The following UBE2N variants were observed in gnomAD, a reference collection of about 807,000 sequenced individuals.
The protein encoded by UBE2N is ubiquitin-conjugating enzyme E2 N.
For synonymous variants in UBE2N, 70 were observed against 69.2 expected, an observed-to-expected ratio of 1.01 and a Z score of -0.06; for missense variants, 60 against 192.1, an observed-to-expected ratio of 0.31 and a Z score of 4.07.
At chr12:93,429,796 T>C (rs1592748910) in intron 1 of UBE2N, among the ~76,000 whole-genome samples, 1 of 151,986 alleles carries the variant, frequency 6.6e-6, no homozygotes, top group Non-Finnish European at 1.5e-5. Context: ...AAAAAGATTG[T>C]AAGAGAAAAA....
At chr12:93,437,705 C>T (rs1236184189) in intron 1 of UBE2N, among the ~76,000 whole-genome samples, 2 of 151,836 alleles carry the variant, frequency 1.3e-5, no homozygotes, top group Non-Finnish European at 2.9e-5. Flanking sequence ...AGGAGAATCA[C>T]TTGAACCTGG....
chr12:93,425,189 C>T (rs925251584), intron 1 of UBE2N, among the ~76,000 whole-genome samples: 1 of 152,160 alleles, frequency 6.6e-6, no homozygotes, highest in Non-Finnish European at 1.5e-5. Flanking sequence ...TGAGGTTGCC[C>T]AAGCTAATAT....
At chr12:93,436,601 T>C (rs1044604540) in intron 1 of UBE2N, among the ~76,000 whole-genome samples, 1 of 152,212 alleles carries the variant, frequency 6.6e-6, no homozygotes, top group Non-Finnish European at 1.5e-5. Flanking sequence ...CCTCCTAACC[T>C]TTATGACTTT....
chr12:93,414,515 T>C lies in UBE2N; in HGVS notation c.31-3216A>G, dbSNP rs1349056329. Among the ~76,000 whole-genome samples the C allele has an allele frequency of 3.3e-5, 5 of 151,432 alleles. No individual in the cohort carries two copies. The East Asian group carries it at 9.7e-4, about 29-fold the overall frequency. On this transcript the variant is annotated intron_variant, in intron 1 of 3. Coordinates refer to ENST00000318066, the MANE Select transcript of UBE2N (RefSeq NM_003348.4). ...GGCCCCCAAAAGACGCTCTATATGA[T>C]GCCCTCACTCCACCTACCTCTCTGA...
At chr12:93,430,939 A>T (rs1217178895) in intron 1 of UBE2N, among the ~76,000 whole-genome samples, 1 of 151,352 alleles carries the variant, frequency 6.6e-6, no homozygotes, top group African/African-American at 2.4e-5. Flanking sequence ...TCTTAAAAAA[A>T]AAAACACAGC....
At chr12:93,425,778 C>T (rs1878562092) in intron 1 of UBE2N, among the ~76,000 whole-genome samples, 1 of 152,226 alleles carries the variant, frequency 6.6e-6, no homozygotes, top group Non-Finnish European at 1.5e-5. Context: ...AAAGCCTTAG[C>T]TTTGACACTA....
At chr12:93,413,989 C>T (rs975182633) in intron 1 of UBE2N, among the ~76,000 whole-genome samples, 7 of 150,340 alleles carry the variant, frequency 4.7e-5, no homozygotes, top group Admixed American at 1.3e-4. Flanking sequence ...TGGAGAAATC[C>T]CATCTCTACT....
intron 1 of UBE2N, among the ~76,000 whole-genome samples, chr12:93,416,469 G>A (rs532814263): frequency 6.9e-6 from 1 of 145,360 alleles, no homozygotes; most frequent in South Asian, 2.2e-4. Flanking sequence ...TTTTTTTTGA[G>A]ACAAGTCTCG....
intron 1 of UBE2N, among the ~76,000 whole-genome samples, chr12:93,419,009 G>C (rs1272832558): frequency 1.3e-5 from 2 of 152,048 alleles, no homozygotes; most frequent in Non-Finnish European, 2.9e-5. Context: ...TTACTGCCTG[G>C]TCATTATGAA....
chr12:93,412,540 C>T (rs1878058934), intron 1 of UBE2N, among the ~76,000 whole-genome samples: 2 of 152,194 alleles, frequency 1.3e-5, no homozygotes, highest in Non-Finnish European at 1.5e-5. Flanking sequence ...ATTTTTACTT[C>T]CTGCAGAAAG....
chr12:93,424,750 T>G (rs1878527244), intron 1 of UBE2N, among the ~76,000 whole-genome samples: 1 of 152,250 alleles, frequency 6.6e-6, no homozygotes. Flanking sequence ...AAAGATCAAC[T>G]TTATTATTAC....
intron 1 of UBE2N, among the ~76,000 whole-genome samples, chr12:93,441,470 G>A (rs1481203677): frequency 2.6e-5 from 4 of 152,074 alleles, no homozygotes; most frequent in South Asian, 2.1e-4. Flanking sequence ...CCAGGCGCCC[G>A]AGCCCCGCCG....
In UBE2N at chr12:93,409,407, A is replaced by G. The variant is rs577167836; in HGVS notation, c.*632T>C. 4.7e-4 allele frequency: 79 copies of G among 167,022 alleles called. No homozygotes were observed. Among genetic ancestry groups the G allele is most frequent in the Admixed American group, 1.6e-3 (24 of 15,308 alleles). The allele number at this position is 167,022 out of a possible 1,614,324, so 10.3% of individuals were successfully genotyped here. A position where few individuals can be genotyped will look rare whatever the true frequency, so the allele number is the denominator to read the frequency against. On this transcript the variant is annotated 3_prime_UTR_variant, in exon 4 of 4. Coordinates refer to ENST00000318066, the MANE Select transcript of UBE2N (RefSeq NM_003348.4). ...AAACATAAGATTTACAGAAGTTTCCAGACAAGCCATACAAAATGGTCACAA... is the reference window on the plus strand; with the variant it reads ...AAACATAAGATTTACAGAAGTTTCCGGACAAGCCATACAAAATGGTCACAA...
At chr12:93,416,276 C>T (rs1203352586) in intron 1 of UBE2N, among the ~76,000 whole-genome samples, 7 of 152,134 alleles carry the variant, frequency 4.6e-5, no homozygotes, top group Non-Finnish European at 8.8e-5. Flanking sequence ...CAACTTTTTT[C>T]CTAAAAAGGC....
chr12:93,430,558 G>T (rs1331962802), intron 1 of UBE2N, among the ~76,000 whole-genome samples: 1 of 151,742 alleles, frequency 6.6e-6, no homozygotes, highest in Admixed American at 6.6e-5. Flanking sequence ...ACTAAACAGG[G>T]TCTCATGTTT....
intron 1 of UBE2N, among the ~76,000 whole-genome samples, chr12:93,439,847 A>T (rs942636617): frequency 6.6e-6 from 1 of 151,062 alleles, no homozygotes; most frequent in Non-Finnish European, 1.5e-5. Context: ...AGATGTTGTC[A>T]ACAAGATACC....
chr12:93,421,897 A>G (rs1391664662), intron 1 of UBE2N, among the ~76,000 whole-genome samples: 1 of 152,216 alleles, frequency 6.6e-6, no homozygotes, highest in Admixed American at 6.5e-5. Context: ...ACTGGAAGGA[A>G]GAGTAAAACT....
intron 1 of UBE2N, among the ~76,000 whole-genome samples, chr12:93,434,888 T>C (rs1488964858): frequency 1.3e-5 from 2 of 148,970 alleles, no homozygotes; most frequent in Non-Finnish European, 3.0e-5. Flanking sequence ...CATAATGAGT[T>C]TGTATTTATT....
At chr12:93,420,231 G>A (rs998025422) in intron 1 of UBE2N, among the ~76,000 whole-genome samples, 1 of 152,106 alleles carries the variant, frequency 6.6e-6, no homozygotes, top group Non-Finnish European at 1.5e-5. Flanking sequence ...TAACAAATAG[G>A]TAAGTACTCT....
Sources: allele counts gnomAD v4.1 joint callset (sites outside exome capture counted in the v4.1 genomes callset), GRCh38; gene constraint gnomAD v4.1.1; transcripts MANE v1.5; gene names NCBI Gene and HGNC (gene_info 2026-07-23, HGNC 2026-07-21).